ARSG: variants seen among roughly 807,000 people sequenced by gnomAD.
ARSG encodes the protein ASG.
In ARSG, 37 loss-of-function variants were observed where a neutral mutation model predicts 50.5. That is an observed-to-expected ratio of 0.73 (90% CI 0.56 to 0.96). The LOEUF (loss-of-function observed/expected upper bound fraction) is 0.96. Among genes scored for constraint, ARSG ranks in the 50% least tolerant of loss-of-function variants. The pLI, the probability that ARSG is intolerant of heterozygous loss-of-function variation, is 0.00. For synonymous variants in ARSG, 225 were observed against 254.6 expected, an observed-to-expected ratio of 0.88 and a Z score of 1.11; for missense variants, 629 against 675.3, an observed-to-expected ratio of 0.93 and a Z score of 0.76.
At chr17:68,316,484 A>G (rs1198487896) in intron 2 of ARSG, among the ~76,000 whole-genome samples, 1 of 152,158 alleles carries the variant, frequency 6.6e-6, no homozygotes, top group South Asian at 2.1e-4. Context: ...CTCAAACAAT[A>G]ATTGTTCACG....
chr17:68,282,530 G>A (rs1159115530), intron 1 of ARSG, among the ~76,000 whole-genome samples: 2 of 151,854 alleles, frequency 1.3e-5, no homozygotes, highest in African/African-American at 4.8e-5. Context: ...CAGGCGCAGT[G>A]GCTCACGCCT....
the ARSG span, among the ~76,000 whole-genome samples, chr17:68,430,428 C>T: frequency 6.6e-6 from 1 of 152,196 alleles, no homozygotes; most frequent in South Asian, 2.1e-4. Flanking sequence ...TTAAAGAAGG[C>T]TTATCTGATG....
At chr17:68,325,793 AG>A (rs1223228236) in intron 2 of ARSG, among the ~76,000 whole-genome samples, 4 of 152,166 alleles carry the variant, frequency 2.6e-5, no homozygotes, top group Non-Finnish European at 5.9e-5. Context: ...GATATTCCAG[AG>A]GGGGAGAAAA....
At chr17:68,330,164 C>T (rs1396805862) in intron 2 of ARSG, among the ~76,000 whole-genome samples, 2 of 151,422 alleles carry the variant, frequency 1.3e-5, no homozygotes, top group East Asian at 3.9e-4. Flanking sequence ...GAGCTGAGAT[C>T]GAGCCACTGC....
chr17:68,305,594 A>C (rs1555763714), intron 1 of ARSG, among the ~76,000 whole-genome samples: 1 of 152,242 alleles, frequency 6.6e-6, no homozygotes, highest in Admixed American at 6.5e-5. Flanking sequence ...CATGGCTAGG[A>C]TGCAAAGGGA....
chr17:68,274,146 C>T (rs910393506), intron 1 of ARSG: 36 of 1,465,372 alleles, frequency 2.5e-5, no homozygotes, highest in Admixed American at 1.3e-4. Flanking sequence ...CCTTCCTCCA[C>T]GTCTTGCACA....
intron 2 of ARSG, among the ~76,000 whole-genome samples, chr17:68,338,495 C>T (rs184615713): frequency 6.6e-6 from 1 of 152,114 alleles, no homozygotes; most frequent in African/African-American, 2.4e-5. Context: ...TTTAATGGCA[C>T]CTGCATAGGA....
intron 9 of ARSG, among the ~76,000 whole-genome samples, chr17:68,385,719 C>T (rs559521429): frequency 2.8e-4 from 42 of 152,182 alleles, no homozygotes; most frequent in Non-Finnish European, 4.9e-4. Flanking sequence ...GCAGAAAAGG[C>T]GGCAGCAGCA....
At chr17:68,330,713 C>T (rs763074811) in intron 2 of ARSG, among the ~76,000 whole-genome samples, 90 of 152,156 alleles carry the variant, frequency 5.9e-4, no homozygotes, top group African/African-American at 1.7e-3. Context: ...CACATGGGAG[C>T]GCTGTCTGGG....
At chr17:68,371,928 G>A (rs2079866624) in intron 8 of ARSG, among the ~76,000 whole-genome samples, 1 of 152,136 alleles carries the variant, frequency 6.6e-6, no homozygotes, top group Admixed American at 6.5e-5. Context: ...ATAATCACAT[G>A]TAGACTCAAA....
At chr17:68,360,135 G>A (rs1034044216) in intron 6 of ARSG, among the ~76,000 whole-genome samples, 26 of 152,178 alleles carry the variant, frequency 1.7e-4, no homozygotes, top group African/African-American at 6.3e-4. Context: ...CCATTAAAGG[G>A]CAAATCAACC....
At chr17:68,396,065 G>A (rs181729392) in intron 10 of ARSG, among the ~76,000 whole-genome samples, 1 of 150,298 alleles carries the variant, frequency 6.7e-6, no homozygotes, top group African/African-American at 2.5e-5. Context: ...CTGGAGTGCA[G>A]TGGTGTGATC....
At chr17:68,435,747 G>A in the ARSG span, 1 of 1,592,614 alleles carries the variant, frequency 6.3e-7, no homozygotes, top group Non-Finnish European at 8.6e-7. Context: ...TACAGATGCT[G>A]CGGAGGAGGG....
intron 4 of ARSG, among the ~76,000 whole-genome samples, chr17:68,350,615 C>A (rs1192021018): frequency 6.6e-6 from 1 of 151,952 alleles, no homozygotes; most frequent in African/African-American, 2.4e-5. Context: ...GAAAACCCAT[C>A]TCTACTAAAA....
intron 5 of ARSG, among the ~76,000 whole-genome samples, chr17:68,355,312 C>A (rs371525852): frequency 6.6e-6 from 1 of 152,194 alleles, no homozygotes; most frequent in Admixed American, 6.5e-5. Context: ...CATTGATGGG[C>A]AGCTATGGGT....
chr17:68,319,075 CT>C (rs782640963), intron 2 of ARSG, among the ~76,000 whole-genome samples: 5 of 152,182 alleles, frequency 3.3e-5, no homozygotes. Flanking sequence ...GTGATGAGGT[CT>C]TGATATCTGG....
the ARSG span, chr17:68,441,238 A>C: frequency 6.6e-6 from 1 of 152,266 alleles, no homozygotes; most frequent in Admixed American, 6.5e-5. Context: ...TAAAGGAAAC[A>C]GCCTGCAATC....
At chr17:68,394,125 T>C (rs2081124581) in intron 9 of ARSG, among the ~76,000 whole-genome samples, 1 of 152,086 alleles carries the variant, frequency 6.6e-6, no homozygotes, top group African/African-American at 2.4e-5. Context: ...CCCAAAGTGC[T>C]GAGATTACAG....
chr17:68,301,505 G>A (rs1455225842), intron 1 of ARSG, among the ~76,000 whole-genome samples: 1 of 152,182 alleles, frequency 6.6e-6, no homozygotes, highest in African/African-American at 2.4e-5. Context: ...TTGTGCCCTA[G>A]GCATTTTGCT....
Sources: gnomAD v4.1 joint callset for allele counts (sites outside exome capture counted in the v4.1 genomes callset) on GRCh38, gnomAD v4.1.1 for gene constraint, MANE v1.5 for transcripts, NCBI Gene and HGNC (gene_info 2026-07-23, HGNC 2026-07-21) for gene names.